Variants in TMED6 observed in about 807,000 individuals in gnomAD.
TMED6 encodes transmembrane p24 trafficking protein 6.
A neutral mutation model predicts 26.5 loss-of-function variants in TMED6; 17 were observed. That is an observed-to-expected ratio of 0.64 (90% CI 0.44 to 0.96). TMED6 has a LOEUF of 0.96. Among genes scored for constraint, TMED6 ranks in the 40% least tolerant of loss-of-function variants. TMED6 has a pLI of 0.00. For missense variants in TMED6, 309 were observed against 296.5 expected (o/e 1.04, Z -0.31); for synonymous variants, 107 against 106.2 (o/e 1.01, Z -0.04).
At chr16:69,350,998 C>T (rs1054243820) in intron 1 of TMED6, among the ~76,000 whole-genome samples, 8 of 151,846 alleles carry the variant, frequency 5.3e-5, no homozygotes, top group South Asian at 2.1e-4. Context: ...GGTAAAAGTA[C>T]TTGACCTTTG....
chr16:69,348,994 C>G (rs976253351), intron 2 of TMED6, among the ~76,000 whole-genome samples: 1 of 152,182 alleles, frequency 6.6e-6, no homozygotes, highest in South Asian at 2.1e-4. Context: ...GAGAAAATGT[C>G]TTTTTTAGTG....
At chr16:69,347,759 T>C in intron 3 of TMED6, 29 bp downstream of exon 3, 1 of 1,612,374 alleles carries the variant, frequency 6.2e-7, no homozygotes, top group Non-Finnish European at 8.5e-7. Flanking sequence ...TTTCCACAGA[T>C]GTTTCTCTTC....
In TMED6 at chr16:69,347,806, ATCAT is replaced by A; in HGVS notation, c.467_470del (p.Asn156IlefsTer29). On this transcript the variant is annotated frameshift_variant, in exon 3 of 4. Coordinates refer to ENST00000288025, the MANE Select transcript of TMED6 (RefSeq NM_144676.4). LOFTEE classifies it high-confidence loss of function. ...TCCTTACCTCAATTGCATCCAGAGT[ATCAT>A]TCAGTTGTTTTCTTTCCTTCTGTTT... The A allele has an allele frequency of 1.9e-6, 3 of 1,614,192 alleles. No homozygotes were observed. Among genetic ancestry groups the A allele is most frequent in the East Asian group, 2.2e-5 (1 of 44,878 alleles).
chr16:69,351,425 TG>T, intron 1 of TMED6, 115 bp downstream of exon 1: 2 of 898,014 alleles, frequency 2.2e-6, no homozygotes, highest in Non-Finnish European at 3.4e-6. Flanking sequence ...CATTAACAGG[TG>T]GGGAATCACA....
chr16:69,345,306 T>G (rs1216655489), intron 3 of TMED6, among the ~76,000 whole-genome samples: 1 of 151,208 alleles, frequency 6.6e-6, no homozygotes, highest in East Asian at 2.0e-4. Context: ...GAAAAGACAT[T>G]GCCAGAATGG....
At chr16:69,348,468 G>T (rs1203914142) in intron 2 of TMED6, 2 of 152,654 alleles carry the variant, frequency 1.3e-5, no homozygotes, top group Non-Finnish European at 1.5e-5. Context: ...GTGCGGGGGG[G>T]AGGGGGGCGC....
chr16:69,346,336 T>C (rs893310251), intron 3 of TMED6, among the ~76,000 whole-genome samples: 1 of 152,118 alleles, frequency 6.6e-6, no homozygotes, highest in African/African-American at 2.4e-5. Context: ...AACCTAAATA[T>C]CCATCATGTC....
At position 69,343,317 on chromosome 16, in the gene TMED6, T is replaced by G; in HGVS notation, c.*90A>C. 2.2e-4 allele frequency: 249 copies of G among 1,149,324 alleles called. No individual in the cohort carries two copies. Among genetic ancestry groups the G allele is most frequent in the Non-Finnish European group, 2.8e-4 (229 of 812,806 alleles). The allele number at this position is 1,149,324 out of a possible 1,614,324, so 71.2% of individuals were successfully genotyped here. On this transcript the variant is annotated 3_prime_UTR_variant, in exon 4 of 4. Transcript: ENST00000288025. ...TGTGTGCAGCAGACTAAAACATTAA[T>G]GAGATAATTGATTTTTGTCCCATAA...
intron 1 of TMED6, among the ~76,000 whole-genome samples, chr16:69,350,402 C>A (rs529566288): frequency 6.6e-6 from 1 of 151,750 alleles, no homozygotes; most frequent in East Asian, 2.0e-4. Context: ...CAGGTTCAAG[C>A]GATTCTCCTG....
chr16:69,343,488 A>AAGAATAATAAC lies in TMED6; in HGVS notation c.631_641dup (p.Ser215LeufsTer13). On this transcript the variant is annotated frameshift_variant, in exon 4 of 4. Transcript: ENST00000288025. LOFTEE classifies it high-confidence loss of function. Reference sequence around the variant, plus strand: ...AGAAATACAGTTGCAGGATCCCAGAAAGAATAATAACAAGGCTCTGGGCTG... The same window carrying AAGAATAATAAC: ...AGAAATACAGTTGCAGGATCCCAGAAAGAATAATAACAGAATAATAACAAGGCTCTGGGCTG... 6.2e-7 allele frequency: 1 copy of AAGAATAATAAC among 1,614,206 alleles called. No homozygotes were observed.
chr16:69,343,954 T>C (rs988420344), intron 3 of TMED6, among the ~76,000 whole-genome samples: 1 of 151,874 alleles, frequency 6.6e-6, no homozygotes, highest in African/African-American at 2.4e-5. Flanking sequence ...TCAGCCTCCC[T>C]AGTAGCTGGG....
chr16:69,346,605 A>G (rs1242029798), intron 3 of TMED6, among the ~76,000 whole-genome samples: 2 of 152,132 alleles, frequency 1.3e-5, no homozygotes, highest in African/African-American at 2.4e-5. Flanking sequence ...CTCTACTAAA[A>G]ATGCAAAAAT....
In TMED6 at chr16:69,349,599, T is replaced by C. The variant is rs781218687; in HGVS notation, c.266A>G (p.His89Arg). 15 of 1,613,976 alleles carry C rather than the reference T, an allele frequency of 9.3e-6. No individual in the cohort carries two copies. Among genetic ancestry groups the C allele is most frequent in the Non-Finnish European group, 8.5e-6 (10 of 1,179,962 alleles). Residue 89 changes from histidine (H) to arginine (R), a missense_variant, in exon 2 of 4, where the codon CAT becomes CGT. Coordinates refer to ENST00000288025, the MANE Select transcript of TMED6 (RefSeq NM_144676.4). ...SHDRHVAATA[H>R]NPQGFLIDTS... ...GTCTATGAGAAATCCCTGTGGGTTA[T>C]GTGCCGTGGCAGCAACATGCCGGTC... is the stretch of plus-strand genomic sequence containing the variant.
At chr16:69,347,280 G>T (rs1036214932) in intron 3 of TMED6, among the ~76,000 whole-genome samples, 4 of 152,170 alleles carry the variant, frequency 2.6e-5, no homozygotes, top group Admixed American at 6.5e-5. Flanking sequence ...AGAAAAACAG[G>T]CAATGGGCCA....
At position 69,343,643 on chromosome 16, in the gene TMED6, A is replaced by G. The variant is rs775470652; in HGVS notation, c.490-3T>C. The stretch of plus-strand genomic sequence containing the variant: ...TTCTGCACCTTTTGTGTGCCGTCCT[A>G]TGAGAGAGACAATTTTAAGGGGGAT... On this transcript the variant is annotated splice_region_variant and splice_polypyrimidine_tract_variant and intron_variant, in intron 3 of 3. Transcript: ENST00000288025. The G allele has an allele frequency of 1.6e-5, 25 of 1,609,302 alleles. No individual in the cohort carries two copies. In the South Asian group the frequency reaches 2.2e-4, roughly 14 times the overall value.
rs138135925 is a variant in TMED6 at position 69,351,616 on chromosome 16, G to A, written c.138C>T (p.Ile46=). Residue 46 remains isoleucine (I), a synonymous_variant, in exon 1 of 4, where the codon ATC becomes ATT. Coordinates refer to ENST00000288025, the MANE Select transcript of TMED6 (RefSeq NM_144676.4). ...FRGADRYDFA[I]MIPPGGTECF... ...ATTCCGTGCCTCCTGGAGGTATCAT[G>A]ATGGCAAAGTCATATCGATCAGCTC... 3 of 1,614,010 alleles carry A rather than the reference G, an allele frequency of 1.9e-6. No homozygotes were observed. In the African/African-American group the frequency reaches 4.0e-5, roughly 22 times the overall value.
At position 69,343,600 on chromosome 16, in the gene TMED6, C is replaced by T. The variant is rs2012623498; in HGVS notation, c.530G>A (p.Trp177Ter). 6.2e-7 allele frequency: 1 copy of T among 1,614,134 alleles called. No homozygotes were observed. Among genetic ancestry groups the T allele is most frequent in the Non-Finnish European group, 8.5e-7 (1 of 1,180,022 alleles). The change falls in exon 4 of 4, where the codon TGG (tryptophan) becomes TAG (stop). Residue 177 changes from tryptophan (W) to a stop codon, truncating the protein, a stop_gained. Transcript: ENST00000288025. LOFTEE classifies it high-confidence loss of function. ...QKVQNNIFHM[W>*]RYYNFARMRK... ...CATCCGGGCAAAGTTGTAGTATCGC[C>T]ACATGTGAAAGATATTGTTCTGCAC...
chr16:69,346,413 G>T (rs183197152), intron 3 of TMED6, among the ~76,000 whole-genome samples: 18 of 152,328 alleles, frequency 1.2e-4, no homozygotes, highest in African/African-American at 4.3e-4. Context: ...GCCATAAAAA[G>T]AAAAGTACTG....
chr16:69,350,925 C>T (rs767540985), intron 1 of TMED6, among the ~76,000 whole-genome samples: 64 of 152,056 alleles, frequency 4.2e-4, no homozygotes, highest in Admixed American at 2.0e-3. Context: ...AGGAAATGAA[C>T]AGCCTCTAAC....
Sources: gnomAD v4.1 joint callset for allele counts (sites outside exome capture counted in the v4.1 genomes callset) on GRCh38, gnomAD v4.1.1 for gene constraint, MANE v1.5 for transcripts, NCBI Gene and HGNC (gene_info 2026-07-23, HGNC 2026-07-21) for gene names.